Variants in SMIM45 observed in about 807,000 individuals in gnomAD.
SMIM45 encodes the protein small integral membrane protein 45, also known as long intergenic non-protein coding RNA 634.
the SMIM45 span, chr22:41,958,103 T>C: frequency 3.0e-6 from 1 of 335,572 alleles, no homozygotes; most frequent in Non-Finnish European, 6.0e-6. Context: ...CAGGGCTTGC[T>C]CTCCGTGTCA....
the SMIM45 span, among the ~76,000 whole-genome samples, chr22:41,956,440 C>A: frequency 6.6e-6 from 1 of 152,074 alleles, no homozygotes; most frequent in African/African-American, 2.4e-5. Flanking sequence ...AACCAGGTCT[C>A]CTTCAATGGG....
At chr22:41,947,073 A>G in the SMIM45 span, 4 of 1,612,852 alleles carry the variant, frequency 2.5e-6, no homozygotes, top group Non-Finnish European at 3.4e-6. Flanking sequence ...CTCAACACCG[A>G]CATCACAGCC....
At chr22:41,958,302 G>A in the SMIM45 span, 1 of 456,526 alleles carries the variant, frequency 2.2e-6, no homozygotes, top group Non-Finnish European at 4.4e-6. Flanking sequence ...CAATGGCACC[G>A]GCCCTGCAAC....
chr22:41,956,380 C>A, the SMIM45 span, among the ~76,000 whole-genome samples: 1 of 152,164 alleles, frequency 6.6e-6, no homozygotes, highest in Admixed American at 6.5e-5. Flanking sequence ...GTGCTAGGGG[C>A]CTTGTCCTTA....
the SMIM45 span, among the ~76,000 whole-genome samples, chr22:41,948,341 G>T: frequency 6.6e-6 from 1 of 152,164 alleles, no homozygotes; most frequent in Non-Finnish European, 1.5e-5. Context: ...CCTACCCTAG[G>T]AAGTCAGTTG....
chr22:41,952,735 AT>A, the SMIM45 span, among the ~76,000 whole-genome samples: 1 of 152,146 alleles, frequency 6.6e-6, no homozygotes, highest in Admixed American at 6.5e-5. Context: ...AATGCCTGGG[AT>A]TTTGTGCACA....
At chr22:41,947,032 C>T in the SMIM45 span, 1 of 1,612,892 alleles carries the variant, frequency 6.2e-7, no homozygotes, top group Non-Finnish European at 8.5e-7. Context: ...AGATGGTGGC[C>T]GTGTTCAGGC....
At chr22:41,958,459 C>T in the SMIM45 span, 1 of 427,844 alleles carries the variant, frequency 2.3e-6, no homozygotes, top group Non-Finnish European at 4.6e-6. Context: ...GGGATAAGAC[C>T]GTGGTAGAGG....
At chr22:41,958,483 GGAGA>G in the SMIM45 span, 485 of 351,430 alleles carry the variant, frequency 1.4e-3, no homozygotes, top group Admixed American at 2.9e-3. Flanking sequence ...GGGTTGGTGA[GGAGA>G]GAGAGAGAGA....
the SMIM45 span, among the ~76,000 whole-genome samples, chr22:41,954,352 G>A: frequency 6.6e-6 from 1 of 151,504 alleles, no homozygotes; most frequent in Non-Finnish European, 1.5e-5. Flanking sequence ...GATTACAGGT[G>A]CCTGCCACCA....
At chr22:41,947,165 CACG>C in the SMIM45 span, 5 of 1,276,046 alleles carry the variant, frequency 3.9e-6, no homozygotes, top group Non-Finnish European at 5.6e-6. Flanking sequence ...GGCCTGGGGG[CACG>C]TGCCTCCTTA....
chr22:41,951,729 A>ATT, the SMIM45 span, among the ~76,000 whole-genome samples: 1 of 152,196 alleles, frequency 6.6e-6, no homozygotes, highest in Non-Finnish European at 1.5e-5. Flanking sequence ...GAAATGTTAC[A>ATT]TTGAGCCAAT....
the SMIM45 span, among the ~76,000 whole-genome samples, chr22:41,953,740 GTTTT>G: frequency 1.1e-5 from 1 of 89,300 alleles, no homozygotes; most frequent in Non-Finnish European, 2.5e-5. Flanking sequence ...TCTGTGATCT[GTTTT>G]TTTTTTTTTT....
the SMIM45 span, chr22:41,957,803 T>G: frequency 6.5e-6 from 1 of 154,184 alleles, no homozygotes; most frequent in East Asian, 1.9e-4. Context: ...GGCGCACAAG[T>G]GGCGCATGCA....
the SMIM45 span, among the ~76,000 whole-genome samples, chr22:41,956,055 G>A: frequency 6.6e-6 from 1 of 151,084 alleles, no homozygotes; most frequent in Non-Finnish European, 1.5e-5. Flanking sequence ...CTTGCTCCAG[G>A]CTGGAGTGCA....
chr22:41,947,098 T>A, the SMIM45 span: 1 of 1,612,150 alleles, frequency 6.2e-7, no homozygotes, highest in Non-Finnish European at 8.5e-7. Flanking sequence ...GACCAACCGT[T>A]GCTCCTGCGG....
the SMIM45 span, chr22:41,946,961 G>C: frequency 1.3e-6 from 2 of 1,562,116 alleles, no homozygotes; most frequent in Non-Finnish European, 1.8e-6. Flanking sequence ...TTGACCTAGT[G>C]GCTGAAGCAC....
chr22:41,958,091 C>A, the SMIM45 span: 1 of 329,522 alleles, frequency 3.0e-6, no homozygotes, highest in Non-Finnish European at 6.1e-6. Context: ...GCCTGGCTGG[C>A]CCAGGGCTTG....
chr22:41,958,310 A>G, the SMIM45 span: 8 of 456,562 alleles, frequency 1.8e-5, no homozygotes, highest in African/African-American at 1.6e-4. Flanking sequence ...CCGGCCCTGC[A>G]ACTTTAGGCA....
Sources: allele counts gnomAD v4.1 joint callset (sites outside exome capture counted in the v4.1 genomes callset), GRCh38; gene constraint gnomAD v4.1.1; transcripts MANE v1.5; gene names NCBI Gene and HGNC (gene_info 2026-07-23, HGNC 2026-07-21).